The following ARHGAP23 variants were observed in gnomAD, a reference collection of about 807,000 sequenced individuals.
ARHGAP23 encodes the protein rho GTPase-activating protein 23.
Under a neutral mutation model 136.3 loss-of-function variants are expected in ARHGAP23, and 34 were observed. The ratio of observed to expected loss-of-function variants is 0.25; its 90% CI spans 0.19 to 0.33. The LOEUF is 0.33. ARHGAP23 is among the 10% of genes least tolerant of loss of function. The pLI is 1.00. For missense variants in ARHGAP23, 1,808 were observed against 2,139.0 expected, an observed-to-expected ratio of 0.85 and a Z score of 3.05; for synonymous variants, 832 against 920.5, an observed-to-expected ratio of 0.90 and a Z score of 1.74.
chr17:38,434,412 C>T (rs1253860686), intron 1 of ARHGAP23, among the ~76,000 whole-genome samples: 1 of 152,236 alleles, frequency 6.6e-6, no homozygotes, highest in Non-Finnish European at 1.5e-5. Flanking sequence ...GCTAGGCCCT[C>T]GGAAGGCAGG....
At chr17:38,498,546 G>T in intron 22 of ARHGAP23, 36 bp downstream of exon 22, 1 of 1,467,444 alleles carries the variant, frequency 6.8e-7, no homozygotes, top group East Asian at 2.5e-5. Flanking sequence ...GAGGCGGGAG[G>T]TTGGACACTG....
chr17:38,466,199 C>A lies in ARHGAP23; in HGVS notation c.516C>A (p.Asn172Lys). Residue 172 changes from asparagine to lysine, a missense_variant, in exon 7 of 24, where the codon AAC (asparagine) becomes AAA (lysine). Asn to Lys is a moderately conservative substitution (Grantham distance 94). Transcript: ENST00000622683. ...CCCAGGATGCCTACCTGAAAGGGAACGAGCCGTATTCTGGAGAGGCCCGCA... is the reference window on the plus strand; with the variant it reads ...CCCAGGATGCCTACCTGAAAGGGAAAGAGCCGTATTCTGGAGAGGCCCGCA... ...AYSQDAYLKG[N>K]EPYSGEARSI... The A allele has an allele frequency of 6.6e-7, 1 of 1,518,862 alleles. No homozygotes were observed. Among genetic ancestry groups the A allele is most frequent in the Non-Finnish European group, 8.9e-7 (1 of 1,128,582 alleles). The allele number at this position is 1,518,862 out of a possible 1,614,324, so 94.1% of individuals were successfully genotyped here.
At chr17:38,493,601 G>A (rs937067854) in intron 20 of ARHGAP23, among the ~76,000 whole-genome samples, 4 of 152,216 alleles carry the variant, frequency 2.6e-5, no homozygotes, top group Admixed American at 1.3e-4. Context: ...GATGATTGTC[G>A]AGGGAATGAG....
chr17:38,428,601 G>T (rs896249446), intron 1 of ARHGAP23, 53 bp downstream of exon 1: 173 of 1,255,284 alleles, frequency 1.4e-4, no homozygotes, highest in Non-Finnish European at 1.7e-4. Context: ...CTGGGGAGCG[G>T]GCTGCCAAGC....
chr17:38,466,780 G>T lies in ARHGAP23; in HGVS notation c.1097G>T (p.Gly366Val), dbSNP rs763508730. 439 of 1,549,130 alleles carry T rather than the reference G, an allele frequency of 2.8e-4. No homozygotes were observed. Among genetic ancestry groups the T allele is most frequent in the Non-Finnish European group, 3.7e-4 (429 of 1,146,394 alleles). Residue 366 changes from glycine (G) to valine (V), a missense_variant, in exon 7 of 24, where the codon GGG becomes GTG. Physicochemically the swap from Gly to Val is moderately radical, Grantham distance 109. This residue lies in a region of ARHGAP23 where 859 missense variants were observed against 936.4 expected (regional missense o/e 0.92). Transcript: ENST00000622683. ...SRATRSAEAL[G>V]PGALVSPRFE... ...GCCACCCGTTCTGCCGAGGCACTGG[G>T]GCCAGGGGCACTGGTGTCACCCCGC...
intron 1 of ARHGAP23, among the ~76,000 whole-genome samples, chr17:38,447,796 G>T (rs1440791007): frequency 2.8e-5 from 3 of 105,906 alleles, no homozygotes; most frequent in Non-Finnish European, 5.5e-5. Context: ...GGGTAAATCA[G>T]GGGTACGGAG....
chr17:38,428,973 G>T (rs1193717416), intron 1 of ARHGAP23, among the ~76,000 whole-genome samples: 1 of 152,212 alleles, frequency 6.6e-6, no homozygotes. Context: ...GAGGGAGAGG[G>T]GGTGGGGGAG....
Position 38,495,907 on chromosome 17 carries a change from T to A in ARHGAP23, c.3277-1878T>A, listed in dbSNP as rs201968635. Among the ~76,000 whole-genome samples, 9 of 85,804 alleles carry A rather than the reference T, an allele frequency of 1.0e-4. No homozygotes were observed. The South Asian group carries it at 3.3e-3, about 31-fold the overall frequency. 56.3% of individuals were successfully genotyped at this position (85,804 alleles called of 152,430 possible). On this transcript the variant is annotated intron_variant, in intron 20 of 23. Transcript: ENST00000622683. Reference sequence around the variant, plus strand: ...AATTGCCTTAATTTTTATTCATTTATTTTTTTTGAGATGGAGTTTCACTCT... The same window carrying A: ...AATTGCCTTAATTTTTATTCATTTAATTTTTTTGAGATGGAGTTTCACTCT...
chr17:38,497,733 A>G, intron 20 of ARHGAP23, 52 bp from the exon 21 acceptor site: 1 of 1,527,268 alleles, frequency 6.5e-7, no homozygotes, highest in Non-Finnish European at 8.9e-7. Context: ...CAGGTGGAAG[A>G]GACTCTTCTT....
At chr17:38,465,829 A>C (rs559028489) in intron 6 of ARHGAP23, among the ~76,000 whole-genome samples, 2 of 152,098 alleles carry the variant, frequency 1.3e-5, no homozygotes, top group Non-Finnish European at 2.9e-5. Context: ...ATTGGTGGAC[A>C]TAAGGGGGCA....
At chr17:38,438,133 C>T (rs760484194) in intron 1 of ARHGAP23, among the ~76,000 whole-genome samples, 3 of 152,086 alleles carry the variant, frequency 2.0e-5, no homozygotes, top group Non-Finnish European at 4.4e-5. Context: ...CCGTCCTGGC[C>T]AACATGGTGA....
In ARHGAP23 at chr17:38,510,422, C is replaced by A. The variant is rs1353281227; in HGVS notation, c.3926C>A (p.Ser1309Ter). ...GRLTRRPSFS[S>*]HHLMPCDTLA... ...CTGACACGCCGGCCGTCCTTCAGCT[C>A]GCACCACCTCATGCCCTGCGACACT... Residue 1309 changes from serine (S) to a stop codon, truncating the protein, a stop_gained, in exon 24 of 24, where the codon TCG (serine) becomes TAG (stop). Coordinates refer to ENST00000622683, the MANE Select transcript of ARHGAP23 (RefSeq NM_001199417.2). LOFTEE classifies it high-confidence loss of function. The surrounding 1 kb of genome is among the most constrained non-coding windows in gnomAD (Gnocchi z 4.6). 3.2e-5 allele frequency: 40 copies of A among 1,236,764 alleles called. No homozygotes were observed. The highest frequency in any genetic ancestry group is 3.9e-5 in the Non-Finnish European group (39 of 991,800). 76.6% of individuals were successfully genotyped at this position (1,236,764 alleles called of 1,614,324 possible). A position where few individuals can be genotyped will look rare whatever the true frequency, so the allele number is the denominator to read the frequency against.
In ARHGAP23 at chr17:38,463,143, G is replaced by A. The variant is rs533734801; in HGVS notation, c.375G>A (p.Gly125=). The change falls in exon 5 of 24, where the codon GGG becomes GGA. Residue 125 remains glycine (G), a synonymous_variant. Transcript: ENST00000622683. ...RTGDRLVKVN[G]ESVIGKTYSQ... is the part of the protein sequence containing the mutation. The stretch of plus-strand genomic sequence containing the variant: ...GAGACCGGCTGGTAAAGGTGAATGG[G>A]GAAAGCGTCATTGGGAAGACCTACT... 2.3e-5 allele frequency: 35 copies of A among 1,551,572 alleles called. No individual in the cohort carries two copies. In the Admixed American group the frequency reaches 6.1e-4, roughly 27 times the overall value.
At chr17:38,460,953 G>A (rs746335985) in intron 3 of ARHGAP23, 21 bp downstream of exon 3, 23 of 1,535,670 alleles carry the variant, frequency 1.5e-5, no homozygotes, top group South Asian at 1.3e-4. Context: ...ACTGGCGGGC[G>A]CTGGACCTGC....
At chr17:38,501,697 CA>C (rs2040525172) in intron 23 of ARHGAP23, among the ~76,000 whole-genome samples, 1 of 151,928 alleles carries the variant, frequency 6.6e-6, no homozygotes, top group Non-Finnish European at 1.5e-5. Context: ...TTCAGACTGC[CA>C]AAACTCACTT....
chr17:38,472,194 C>G (rs537017500), intron 11 of ARHGAP23, among the ~76,000 whole-genome samples, 188 bp downstream of exon 11: 1 of 152,280 alleles, frequency 6.6e-6, no homozygotes, highest in East Asian at 1.9e-4. Context: ...AAGAAGTTAA[C>G]AAGAGAGGTG....
intron 1 of ARHGAP23, among the ~76,000 whole-genome samples, chr17:38,444,288 T>C (rs2038982552): frequency 6.6e-6 from 1 of 151,922 alleles, no homozygotes. Flanking sequence ...AGCAGGGGGC[T>C]CTGCTGGCCA....
Position 38,482,014 on chromosome 17 carries a change from C to T in ARHGAP23, c.2630-8C>T, listed in dbSNP as rs7503829. 664,271 of 1,518,360 alleles carry T rather than the reference C, an allele frequency of 0.44. 150,088 individuals are homozygous for T. Among genetic ancestry groups the T allele is most frequent in the Admixed American group, 0.63 (26,696 of 42,700 alleles). 94.1% of individuals were successfully genotyped at this position (1,518,360 alleles called of 1,614,324 possible). ...CAGCTCACTCTGGCTCTGTCTCCCC[C>T]ACTTCAGATGACAGTGCTGCAGCCC... On this transcript the variant is annotated splice_region_variant and splice_polypyrimidine_tract_variant and intron_variant, in intron 14 of 23. Transcript: ENST00000622683.
chr17:38,508,585 C>T (rs1487855587), intron 23 of ARHGAP23, among the ~76,000 whole-genome samples: 3 of 152,056 alleles, frequency 2.0e-5, no homozygotes, highest in East Asian at 1.9e-4. Context: ...AGGAGAGACC[C>T]GGGCTGGGGC....
Sources: gnomAD v4.1 joint callset for allele counts (sites outside exome capture counted in the v4.1 genomes callset) on GRCh38, gnomAD v4.1.1 for gene constraint, gnomAD v4.1.1 regional missense constraint, Gnocchi (gnomAD v3.1) non-coding constraint, MANE v1.5 for transcripts, NCBI Gene and HGNC (gene_info 2026-07-23, HGNC 2026-07-21) for gene names.